Variants in CPA6 observed in about 807,000 individuals in gnomAD.
CPA6 encodes the protein carboxypeptidase B.
In CPA6, 58 loss-of-function variants were observed where a neutral mutation model predicts 63.3. The observed-to-expected ratio is 0.92, with a 90% confidence interval of 0.74 to 1.14. CPA6 has a LOEUF of 1.14. CPA6 is among the 50% of genes most tolerant of loss of function. The pLI is 0.00. For missense variants in CPA6, 565 were observed against 526.6 expected, an observed-to-expected ratio of 1.07 and a Z score of -0.71; for synonymous variants, 185 against 179.0, an observed-to-expected ratio of 1.03 and a Z score of -0.27.
chr8:67,640,728 T>G (rs556301822), intron 1 of CPA6, among the ~76,000 whole-genome samples: 1 of 151,464 alleles, frequency 6.6e-6, no homozygotes, highest in South Asian at 2.1e-4. Flanking sequence ...CTTCAGCTTG[T>G]CCTGGGCTCC....
intron 1 of CPA6, among the ~76,000 whole-genome samples, chr8:67,641,051 C>T (rs906345085): frequency 7.3e-5 from 11 of 151,692 alleles, no homozygotes; most frequent in East Asian, 3.8e-4. Flanking sequence ...GGGGACCCAC[C>T]GCTGCCACTG....
At chr8:67,661,592 G>A (rs1029355354) in intron 1 of CPA6, among the ~76,000 whole-genome samples, 42 of 152,232 alleles carry the variant, frequency 2.8e-4, no homozygotes, top group African/African-American at 1.0e-3. Context: ...GCAAACTGTG[G>A]GTCACTGTAA....
intron 2 of CPA6, among the ~76,000 whole-genome samples, chr8:67,620,804 G>A (rs1815063175): frequency 6.6e-6 from 1 of 152,114 alleles, no homozygotes; most frequent in African/African-American, 2.4e-5. Flanking sequence ...GAAAGGAAAT[G>A]AAGAAATGTA....
At chr8:67,563,804 C>T (rs1813271935) in intron 2 of CPA6, among the ~76,000 whole-genome samples, 1 of 152,078 alleles carries the variant, frequency 6.6e-6, no homozygotes, top group Non-Finnish European at 1.5e-5. Context: ...CAAGGCTGTC[C>T]TTGATACTAA....
chr8:67,476,772 G>A (rs7821010), intron 8 of CPA6, among the ~76,000 whole-genome samples: 46,828 of 151,934 alleles, frequency 0.31, 7,373 homozygotes, highest in Middle Eastern at 0.45. Context: ...AGCTCAATTC[G>A]TAATCTTGAG....
At chr8:67,554,891 C>A (rs561317222) in intron 2 of CPA6, among the ~76,000 whole-genome samples, 1 of 152,278 alleles carries the variant, frequency 6.6e-6, no homozygotes, top group East Asian at 1.9e-4. Flanking sequence ...CTTCTCCACT[C>A]AGTCCACTGA....
At chr8:67,502,873 G>A (rs1211664527) in intron 6 of CPA6, among the ~76,000 whole-genome samples, 1 of 152,116 alleles carries the variant, frequency 6.6e-6, no homozygotes, top group African/African-American at 2.4e-5. Flanking sequence ...TATACTTGTT[G>A]AGGTCTATGT....
intron 2 of CPA6, among the ~76,000 whole-genome samples, chr8:67,620,856 A>C (rs927322530): frequency 2.0e-5 from 3 of 152,244 alleles, no homozygotes; most frequent in Non-Finnish European, 4.4e-5. Context: ...TACTATCTTT[A>C]GAAAGGCCTG....
intron 1 of CPA6, among the ~76,000 whole-genome samples, chr8:67,709,128 A>C (rs912760725): frequency 4.6e-5 from 7 of 152,130 alleles, no homozygotes; most frequent in African/African-American, 1.7e-4. Context: ...ATAAGGGAAA[A>C]ACACCTCAAA....
chr8:67,662,862 C>T (rs574974171), intron 1 of CPA6, among the ~76,000 whole-genome samples: 1 of 152,182 alleles, frequency 6.6e-6, no homozygotes, highest in East Asian at 1.9e-4. Context: ...CCCTACTAAC[C>T]CTCTGAACAA....
intron 3 of CPA6, among the ~76,000 whole-genome samples, chr8:67,515,508 G>A (rs1303467325): frequency 6.6e-5 from 10 of 152,134 alleles, no homozygotes; most frequent in Non-Finnish European, 1.5e-4. Flanking sequence ...CCTGCCTACC[G>A]TGGGGCATAA....
At chr8:67,543,209 T>A (rs1380972922) in intron 2 of CPA6, among the ~76,000 whole-genome samples, 1 of 152,252 alleles carries the variant, frequency 6.6e-6, no homozygotes, top group African/African-American at 2.4e-5. Context: ...AAGCCACTTA[T>A]ATTCTCAAGC....
chr8:67,719,586 T>C (rs181701875), intron 1 of CPA6, among the ~76,000 whole-genome samples: 64 of 152,222 alleles, frequency 4.2e-4, no homozygotes, highest in Admixed American at 3.1e-3. Flanking sequence ...AAAAAGGCAC[T>C]TTCGGAAGAT....
At chr8:67,484,235 A>G (rs79869355) in intron 7 of CPA6, among the ~76,000 whole-genome samples, 1 of 150,440 alleles carries the variant, frequency 6.6e-6, no homozygotes, top group Non-Finnish European at 1.5e-5. Context: ...GCGCCCGGCT[A>G]ATTTTTTTTT....
intron 1 of CPA6, among the ~76,000 whole-genome samples, chr8:67,702,607 C>A (rs1233091956): frequency 6.6e-6 from 1 of 152,188 alleles, no homozygotes; most frequent in Non-Finnish European, 1.5e-5. Flanking sequence ...CGAGTGGGCT[C>A]AAGCATGCAC....
intron 2 of CPA6, among the ~76,000 whole-genome samples, chr8:67,610,376 T>C (rs1477392382): frequency 2.0e-5 from 3 of 151,766 alleles, no homozygotes; most frequent in African/African-American, 4.8e-5. Context: ...CTTTTTCTCT[T>C]TGAGAAAAAA....
At chr8:67,573,498 A>G (rs1044158440) in intron 2 of CPA6, among the ~76,000 whole-genome samples, 2 of 150,708 alleles carry the variant, frequency 1.3e-5, no homozygotes, top group Non-Finnish European at 2.9e-5. Context: ...TGAAAAAGAA[A>G]TCAAGAGAAC....
intron 8 of CPA6, among the ~76,000 whole-genome samples, chr8:67,450,114 C>T (rs1810522923): frequency 6.7e-6 from 1 of 148,768 alleles, no homozygotes; most frequent in African/African-American, 2.5e-5. Flanking sequence ...CCGCGCCTGG[C>T]CACCCAAGCC....
chr8:67,441,207 TCTTGGCAATATTA>T (rs1156590547), intron 8 of CPA6, among the ~76,000 whole-genome samples: 1 of 152,220 alleles, frequency 6.6e-6, no homozygotes, highest in East Asian at 1.9e-4. Context: ...GTAATTCTAC[TCTTGGCAATATTA>T]CTTATAAGGA....
Sources: allele counts gnomAD v4.1 joint callset (sites outside exome capture counted in the v4.1 genomes callset), GRCh38; gene constraint gnomAD v4.1.1; transcripts MANE v1.5; gene names NCBI Gene and HGNC (gene_info 2026-07-23, HGNC 2026-07-21).